Variants in CACNA1B observed in about 807,000 individuals in gnomAD.
CACNA1B encodes the protein calcium voltage-gated channel subunit alpha1 B.
A neutral mutation model predicts 247.2 loss-of-function variants in CACNA1B; 70 were observed. That is an observed-to-expected ratio of 0.28 (90% CI 0.23 to 0.35). The LOEUF is 0.35. CACNA1B is among the 10% of genes least tolerant of loss of function. The probability of loss-of-function intolerance (pLI) is 1.00; values close to 1 mark genes in which losing one functional copy is unlikely to be tolerated. For missense variants in CACNA1B, 2,367 were observed against 3,197.4 expected (o/e 0.74, Z 6.26); for synonymous variants, 1,231 against 1,294.4 (o/e 0.95, Z 1.05).
intron 38 of CACNA1B, among the ~76,000 whole-genome samples, chr9:138,104,822 A>G (rs1439356182): frequency 1.3e-5 from 2 of 152,226 alleles, no homozygotes; most frequent in African/African-American, 4.8e-5. Context: ...TATTCCAGGC[A>G]CACTTGAGAT....
chr9:138,063,898 C>T (rs1123190), intron 31 of CACNA1B, among the ~76,000 whole-genome samples: 20,532 of 152,150 alleles, frequency 0.13, 1,835 homozygotes, highest in East Asian at 0.46. Flanking sequence ...TATAATGTAC[C>T]GTTTTGGCTG....
chr9:138,077,338 T>C (rs965447552), intron 35 of CACNA1B, among the ~76,000 whole-genome samples: 1 of 152,206 alleles, frequency 6.6e-6, no homozygotes, highest in African/African-American at 2.4e-5. Flanking sequence ...CCAGGGTGGC[T>C]GCTCAGGGCA....
Position 138,114,446 on chromosome 9 carries a change from A to T in CACNA1B, c.5605A>T (p.Thr1869Ser). The T allele has an allele frequency of 1.3e-6, 2 of 1,590,336 alleles. No individual in the cohort carries two copies. Among genetic ancestry groups the T allele is most frequent in the African/African-American group, 1.3e-5 (1 of 74,560 alleles). ...ATTCGACTTCTACAAGCAGAACAAA[A>T]CCACCAGAGACCAGATGCAGCAGGC... The part of the protein sequence containing the change: ...MIFDFYKQNK[T>S]TRDQMQQAPG... Residue 1869 changes from threonine (T) to serine (S), a missense_variant, in exon 41 of 47, where the codon ACC becomes TCC. Coordinates refer to ENST00000371372, the MANE Select transcript of CACNA1B (RefSeq NM_000718.4).
intron 3 of CACNA1B, among the ~76,000 whole-genome samples, chr9:137,896,783 G>A (rs997866309): frequency 6.6e-6 from 1 of 151,278 alleles, no homozygotes; most frequent in Non-Finnish European, 1.5e-5. Flanking sequence ...TTCAAGTTAC[G>A]CATTCACTTT....
At position 137,907,578 on chromosome 9, in the gene CACNA1B, C is replaced by T. The variant is rs138885205; in HGVS notation, c.531-5602C>T. Among the ~76,000 whole-genome samples, 715 of 152,280 alleles carry T rather than the reference C, an allele frequency of 4.7e-3. 7 individuals are homozygous for T. The highest frequency in any genetic ancestry group is 0.017 in the Middle Eastern group (5 of 294). ...TTCCCTGATTGCCAATCGTTTTGAG[C>T]ATCTTCTTCCCTCTTGTAATTTGTT... On this transcript the variant is annotated intron_variant, in intron 3 of 46. Coordinates refer to ENST00000371372, the MANE Select transcript of CACNA1B (RefSeq NM_000718.4).
intron 20 of CACNA1B, among the ~76,000 whole-genome samples, chr9:138,030,499 A>C (rs1162830476): frequency 6.6e-6 from 1 of 151,420 alleles, no homozygotes; most frequent in African/African-American, 2.4e-5. Flanking sequence ...TTTGTTAAGG[A>C]GTTTTGCGTC....
intron 31 of CACNA1B, chr9:138,068,485 G>A (rs944947598): frequency 8.9e-6 from 4 of 451,732 alleles, no homozygotes; most frequent in Admixed American, 7.0e-5. Flanking sequence ...CCCTAGCACT[G>A]GTGTTGTGTT....
rs1959083410 is a variant in CACNA1B at position 138,039,088 on chromosome 9, C to T, written c.3287-4686C>T. On this transcript the variant is annotated intron_variant, in intron 20 of 46. Transcript: ENST00000371372. ...GGGCGTGCCTGTAATCCCAGCTACTCAGGAGGCTGAGACAGGAGAATCGCT... is the reference window on the plus strand; with the variant it reads ...GGGCGTGCCTGTAATCCCAGCTACTTAGGAGGCTGAGACAGGAGAATCGCT... 2.0e-5 allele frequency among the ~76,000 whole-genome samples: 3 copies of T among 151,732 alleles called. 1 individual carries two copies. Among genetic ancestry groups the T allele is most frequent in the South Asian group, 4.2e-4 (2 of 4,808 alleles).
intron 15 of CACNA1B, among the ~76,000 whole-genome samples, chr9:137,991,775 G>T (rs190944101): frequency 1.3e-4 from 20 of 152,254 alleles, no homozygotes; most frequent in African/African-American, 4.8e-4. Flanking sequence ...ATTGATTAGG[G>T]TCCTATCTTT....
At chr9:137,996,220 G>C (rs1009025021) in intron 15 of CACNA1B, among the ~76,000 whole-genome samples, 2 of 152,314 alleles carry the variant, frequency 1.3e-5, no homozygotes, top group African/African-American at 4.8e-5. Context: ...CATGTTTATA[G>C]CAGCACAATT....
At chr9:138,044,051 G>A (rs943563544) in intron 21 of CACNA1B, among the ~76,000 whole-genome samples, 151 bp downstream of exon 21, 13 of 152,180 alleles carry the variant, frequency 8.5e-5, no homozygotes, top group African/African-American at 1.7e-4. Flanking sequence ...GCACGTGCCC[G>A]TGTGACCTCA....
Position 138,045,870 on chromosome 9 carries a change from G to A in CACNA1B, c.3414-1034G>A, listed in dbSNP as rs188326747. Among the ~76,000 whole-genome samples, 43 of 152,296 alleles carry A rather than the reference G, an allele frequency of 2.8e-4. 1 individual carries two copies. Among genetic ancestry groups the A allele is most frequent in the East Asian group, 1.5e-3 (8 of 5,184 alleles). ...AAGGAAGAGGGAGATGTGGGCAGCCGCTTAAGATGAATGGCCCTTGGGGGT... is the reference window on the plus strand; with the variant it reads ...AAGGAAGAGGGAGATGTGGGCAGCCACTTAAGATGAATGGCCCTTGGGGGT... On this transcript the variant is annotated intron_variant, in intron 21 of 46. Coordinates refer to ENST00000371372, the MANE Select transcript of CACNA1B (RefSeq NM_000718.4).
chr9:138,045,780 C>T (rs567826350), intron 21 of CACNA1B, among the ~76,000 whole-genome samples: 36 of 152,192 alleles, frequency 2.4e-4, no homozygotes, highest in East Asian at 5.8e-4. Flanking sequence ...AGCAGGCTGG[C>T]GGTGGGCCAG....
chr9:138,056,725 C>T (rs904041368), intron 26 of CACNA1B, among the ~76,000 whole-genome samples: 1 of 152,146 alleles, frequency 6.6e-6, no homozygotes, highest in African/African-American at 2.4e-5. Context: ...ATATCCTTGC[C>T]AACACTTGTG....
intron 6 of CACNA1B, among the ~76,000 whole-genome samples, chr9:137,930,329 T>G (rs1457690429): frequency 6.6e-6 from 1 of 152,232 alleles, no homozygotes. Flanking sequence ...TTAAATTCCC[T>G]TGAAATTTCC....
In CACNA1B at chr9:138,055,889, G is replaced by T. The variant is rs148014185; in HGVS notation, c.3969-1843G>T. Among the ~76,000 whole-genome samples, 1,194 of 152,220 alleles carry T rather than the reference G, an allele frequency of 7.8e-3. 13 individuals are homozygous for T. Among genetic ancestry groups the T allele is most frequent in the African/African-American group, 0.028 (1,142 of 41,518 alleles). The stretch of plus-strand genomic sequence containing the variant: ...AAACTACAAAAAATTAGCTGGGTAT[G>T]GTGGCCAGCACCTGTAATCCCAGCT... On this transcript the variant is annotated intron_variant, in intron 26 of 46. Transcript: ENST00000371372.
At chr9:137,961,206 G>GT (rs1274752468) in intron 10 of CACNA1B, among the ~76,000 whole-genome samples, 14 of 152,234 alleles carry the variant, frequency 9.2e-5, no homozygotes, top group Non-Finnish European at 1.6e-4. Flanking sequence ...CTTGCCTGTT[G>GT]TTGGTATATA....
At chr9:138,120,998 C>T (rs1286919560) in intron 46 of CACNA1B, 117 bp downstream of exon 46, 2 of 1,243,790 alleles carry the variant, frequency 1.6e-6, no homozygotes, top group Admixed American at 2.8e-5. Flanking sequence ...TCATTCCCAG[C>T]AACCCAAGGG....
chr9:138,090,210 T>C (rs143933952), intron 36 of CACNA1B, among the ~76,000 whole-genome samples: 170 of 152,178 alleles, frequency 1.1e-3, no homozygotes, highest in Non-Finnish European at 2.8e-4. Context: ...AACAGAAACA[T>C]AGACCAATGG....
Sources: gnomAD v4.1 joint callset for allele counts (sites outside exome capture counted in the v4.1 genomes callset) on GRCh38, gnomAD v4.1.1 for gene constraint, MANE v1.5 for transcripts, NCBI Gene and HGNC (gene_info 2026-07-23, HGNC 2026-07-21) for gene names.